PKIB: variants seen among roughly 807,000 people sequenced by gnomAD.
The protein encoded by PKIB is cAMP-dependent protein kinase inhibitor beta.
Under a neutral mutation model 4.5 loss-of-function variants are expected in PKIB, and 2 were observed. The observed-to-expected ratio is 0.44, with a 90% CI of 0.18 to 1.39. The LOEUF (loss-of-function observed/expected upper bound fraction) is 1.39. Among genes scored for constraint, PKIB ranks in the 40% most tolerant of loss-of-function variants. PKIB has a pLI of 0.27. For synonymous variants in PKIB, 38 were observed against 36.0 expected, an observed-to-expected ratio of 1.06 and a Z score of -0.20; for missense variants, 94 against 92.6, an observed-to-expected ratio of 1.02 and a Z score of -0.06.
Position 122,616,088 on chromosome 6 carries a change from G to T in PKIB, c.-161+5553G>T, listed in dbSNP as rs535302326. ...ATGCAGATTGAGTTGACATTGGCAT[G>T]CAGTAGGTAAATATAATGATGAGAT... On this transcript the variant is annotated intron_variant, in intron 1 of 4. Coordinates refer to ENST00000368452, the MANE Select transcript of PKIB (RefSeq NM_181795.3). 2.0e-5 allele frequency among the ~76,000 whole-genome samples: 3 copies of T among 152,272 alleles called. No individual in the cohort carries two copies. The East Asian group carries it at 5.8e-4, about 29-fold the overall frequency.
chr6:122,542,049 C>A (rs897283064), intron 2 of PKIB, among the ~76,000 whole-genome samples: 1 of 151,996 alleles, frequency 6.6e-6, no homozygotes, highest in Non-Finnish European at 1.5e-5. Context: ...CCTTTAAGGA[C>A]TTCTCTGCGT....
chr6:122,624,200 C>T (rs1034723216), intron 1 of PKIB, among the ~76,000 whole-genome samples: 1 of 152,006 alleles, frequency 6.6e-6, no homozygotes, highest in Non-Finnish European at 1.5e-5. Flanking sequence ...AATCAAAATC[C>T]AAAGCAAACA....
chr6:122,711,367 T>C (rs1779268290), intron 3 of PKIB, among the ~76,000 whole-genome samples: 1 of 152,198 alleles, frequency 6.6e-6, no homozygotes, highest in Admixed American at 6.5e-5. Context: ...GGAAAGACTT[T>C]GACACAAATT....
chr6:122,480,384 A>T (rs558505732), intron 2 of PKIB: 12 of 152,202 alleles, frequency 7.9e-5, no homozygotes, highest in Non-Finnish European at 1.2e-4. Context: ...TACACTTAGT[A>T]TATCCAATAA....
chr6:122,589,552 A>G (rs1052620843), intron 3 of PKIB, among the ~76,000 whole-genome samples: 3 of 152,120 alleles, frequency 2.0e-5, no homozygotes, highest in Non-Finnish European at 4.4e-5. Flanking sequence ...TAAAAAAATA[A>G]AATGTATTTA....
chr6:122,689,313 G>A (rs749021588), intron 3 of PKIB, among the ~76,000 whole-genome samples: 36 of 152,008 alleles, frequency 2.4e-4, no homozygotes, highest in Non-Finnish European at 4.0e-4. Flanking sequence ...TGTGGGTTCA[G>A]TTTTCTCTTG....
chr6:122,568,592 A>G (rs1475770273), intron 2 of PKIB, among the ~76,000 whole-genome samples: 1 of 152,230 alleles, frequency 6.6e-6, no homozygotes. Context: ...TGAACCCAAG[A>G]AAGCCATTAC....
chr6:122,586,659 T>C (rs1223168528), intron 3 of PKIB, among the ~76,000 whole-genome samples: 2 of 152,164 alleles, frequency 1.3e-5, no homozygotes, highest in African/African-American at 4.8e-5. Flanking sequence ...GTACTTCCCC[T>C]CTACTGACCC....
intron 2 of PKIB, among the ~76,000 whole-genome samples, chr6:122,674,118 G>A (rs1480259474): frequency 1.3e-5 from 2 of 152,130 alleles, no homozygotes; most frequent in South Asian, 2.1e-4. Flanking sequence ...TGGGTGAAAA[G>A]GAAGGAAAAG....
chr6:122,627,097 G>T (rs1219079459), intron 1 of PKIB, among the ~76,000 whole-genome samples: 1 of 141,592 alleles, frequency 7.1e-6, no homozygotes, highest in Non-Finnish European at 1.5e-5. Context: ...AAAAAAATTA[G>T]CTGGGCGTGC....
intron 4 of PKIB, among the ~76,000 whole-genome samples, chr6:122,718,564 A>T (rs1779599691): frequency 6.6e-6 from 1 of 152,192 alleles, no homozygotes; most frequent in African/African-American, 2.4e-5. Flanking sequence ...CCCTGAATCA[A>T]AGTTAAAAAA....
At chr6:122,562,012 T>G (rs1467788581) in intron 2 of PKIB, among the ~76,000 whole-genome samples, 3 of 144,068 alleles carry the variant, frequency 2.1e-5, no homozygotes, top group Admixed American at 7.0e-5. Flanking sequence ...TTGTTTTTTT[T>G]TTTTTTTGCT....
chr6:122,515,643 T>C (rs970161086), intron 2 of PKIB, among the ~76,000 whole-genome samples: 1 of 152,226 alleles, frequency 6.6e-6, no homozygotes, highest in African/African-American at 2.4e-5. Flanking sequence ...TTTGTTCATT[T>C]AGATAAGTCA....
chr6:122,543,893 A>G (rs1772399403), intron 2 of PKIB, among the ~76,000 whole-genome samples: 1 of 152,088 alleles, frequency 6.6e-6, no homozygotes, highest in South Asian at 2.1e-4. Flanking sequence ...CTCTAGTTGA[A>G]TATCTGTTAC....
intron 2 of PKIB, among the ~76,000 whole-genome samples, chr6:122,557,774 A>T (rs1294029822): frequency 6.6e-6 from 1 of 152,200 alleles, no homozygotes; most frequent in East Asian, 1.9e-4. Context: ...TTTACCTGCA[A>T]TCATTGACTT....
chr6:122,720,121 TA>T lies in PKIB; in HGVS notation c.169+2161del, dbSNP rs550465219. 2.0e-5 allele frequency among the ~76,000 whole-genome samples: 3 copies of T among 152,306 alleles called. No homozygotes were observed. In the South Asian group the frequency reaches 6.2e-4, roughly 32 times the overall value. ...TTATGGTTTCAATAATTTATTCACT[TA>T]AACATACAAATTTTGAGGTGAGGAA... On this transcript the variant is annotated intron_variant, in intron 4 of 4. Transcript: ENST00000368452.
intron 2 of PKIB, among the ~76,000 whole-genome samples, chr6:122,495,112 G>A (rs1476699065): frequency 6.6e-6 from 1 of 152,210 alleles, no homozygotes; most frequent in African/African-American, 2.4e-5. Flanking sequence ...CAGCACAGTG[G>A]CCCTGCCCCC....
intron 2 of PKIB, among the ~76,000 whole-genome samples, chr6:122,576,968 T>C (rs1773561859): frequency 1.3e-5 from 2 of 152,036 alleles, no homozygotes; most frequent in Non-Finnish European, 1.5e-5. Context: ...ACCAGGTCTA[T>C]CTCTAGCATT....
At chr6:122,709,485 GT>G (rs11331347) in intron 3 of PKIB, among the ~76,000 whole-genome samples, 48,751 of 148,408 alleles carry the variant, frequency 0.33, 9,034 homozygotes, top group South Asian at 0.56. Flanking sequence ...TCAAGTGGGA[GT>G]TTTTTTTTTT....
Sources: allele counts gnomAD v4.1 joint callset (sites outside exome capture counted in the v4.1 genomes callset), GRCh38; gene constraint gnomAD v4.1.1; transcripts MANE v1.5; gene names NCBI Gene and HGNC (gene_info 2026-07-23, HGNC 2026-07-21).